Variants in PUM2 observed in about 807,000 individuals in gnomAD.
PUM2 encodes the protein pumilio RNA binding family member 2.
Under a neutral mutation model 124.5 loss-of-function variants are expected in PUM2, and 57 were observed. The observed-to-expected ratio is 0.46, with a 90% CI of 0.37 to 0.57. The LOEUF is 0.57. PUM2 is among the 20% of genes least tolerant of loss of function. The pLI is 0.00. For missense variants in PUM2, 1,065 were observed against 1,290.6 expected (o/e 0.83, Z 2.68); for synonymous variants, 460 against 446.1 (o/e 1.03, Z -0.39).
At chr2:20,300,675 T>G (rs1336762926) in intron 7 of PUM2, among the ~76,000 whole-genome samples, 1 of 148,568 alleles carries the variant, frequency 6.7e-6, no homozygotes, top group African/African-American at 2.5e-5. Context: ...GAAAGGAAAA[T>G]AAATCTCCCG....
At chr2:20,254,094 T>TC in intron 19 of PUM2, 80 bp from the exon 20 acceptor site, 1 of 1,217,466 alleles carries the variant, frequency 8.2e-7, no homozygotes, top group Non-Finnish European at 1.2e-6. Flanking sequence ...GAAAGAATCT[T>TC]CTCCAATGAA....
intron 13 of PUM2, among the ~76,000 whole-genome samples, chr2:20,269,877 T>A (rs1164922728): frequency 1.3e-5 from 2 of 152,198 alleles, no homozygotes; most frequent in African/African-American, 4.8e-5. Context: ...TATTTAACAA[T>A]CTTCCCTCAT....
chr2:20,330,638 C>A (rs113767788), intron 1 of PUM2, among the ~76,000 whole-genome samples: 1 of 152,264 alleles, frequency 6.6e-6, no homozygotes, highest in Middle Eastern at 3.4e-3. Context: ...CTATTCTCAA[C>A]GGTATTCTTT....
At position 20,308,577 on chromosome 2, in the gene PUM2, G is replaced by A; in HGVS notation, c.526C>T (p.Pro176Ser). Residue 176 changes from proline to serine, a missense_variant, in exon 6 of 21, where the codon CCT becomes TCT. Pro to Ser is a moderately conservative substitution (Grantham distance 74). Transcript: ENST00000361078. ...GTTGGAGAGGCTTGACGACTTCCAG[G>A]AGTACGACTACATAAAGAAAATAGA... ...DADCKDFNRT[P>S]GSRQASPTEV... The A allele has an allele frequency of 6.2e-7, 1 of 1,606,716 alleles. No homozygotes were observed. The highest frequency in any genetic ancestry group is 8.5e-7 in the Non-Finnish European group (1 of 1,176,620).
At chr2:20,273,062 T>C (rs555319416) in intron 13 of PUM2, among the ~76,000 whole-genome samples, 1 of 152,332 alleles carries the variant, frequency 6.6e-6, no homozygotes, top group East Asian at 1.9e-4. Context: ...TTTTGATCCT[T>C]AGGGTACCTT....
chr2:20,302,058 C>T (rs1677114465), intron 7 of PUM2, among the ~76,000 whole-genome samples: 1 of 152,182 alleles, frequency 6.6e-6, no homozygotes, highest in African/African-American at 2.4e-5. Context: ...AAAAAATTTA[C>T]TTCAACAGAC....
At chr2:20,300,110 C>T (rs1676600384) in intron 7 of PUM2, among the ~76,000 whole-genome samples, 1 of 152,068 alleles carries the variant, frequency 6.6e-6, no homozygotes, top group Non-Finnish European at 1.5e-5. Flanking sequence ...GCATGTCCAA[C>T]CCCTACTTCC....
chr2:20,324,231 T>C (rs995583816), intron 2 of PUM2, among the ~76,000 whole-genome samples: 1 of 152,194 alleles, frequency 6.6e-6, no homozygotes, highest in African/African-American at 2.4e-5. Context: ...GTCATAACAC[T>C]AGGGAGAGAT....
chr2:20,336,748 C>CTGTGTGTG lies in PUM2; in HGVS notation c.-18-9378_-18-9371dup, dbSNP rs70939037. Among the ~76,000 whole-genome samples, 399 of 97,478 alleles carry CTGTGTGTG rather than the reference C, an allele frequency of 4.1e-3. 4 individuals are homozygous for CTGTGTGTG. Among genetic ancestry groups the CTGTGTGTG allele is most frequent in the African/African-American group, 0.011 (255 of 23,140 alleles). The allele number at this position is 97,478 out of a possible 152,430, so 63.9% of individuals were successfully genotyped here. On this transcript the variant is annotated intron_variant, in intron 1 of 20. Coordinates refer to ENST00000361078, the MANE Select transcript of PUM2 (RefSeq NM_015317.5). ...GTCTCACCATGTTGCCCAGGCTGAT[C>CTGTGTGTG]TGTGTGTGTGTGTGTGTGTGTGTGT... is the stretch of plus-strand genomic sequence containing the variant.
intron 7 of PUM2, among the ~76,000 whole-genome samples, chr2:20,302,444 T>C (rs1558593640): frequency 6.6e-6 from 1 of 152,224 alleles, no homozygotes; most frequent in African/African-American, 2.4e-5. Flanking sequence ...TCAAATCTTT[T>C]ATGCTTTTGT....
At chr2:20,296,546 G>C (rs1042329113) in intron 8 of PUM2, among the ~76,000 whole-genome samples, 1 of 151,722 alleles carries the variant, frequency 6.6e-6, no homozygotes, top group African/African-American at 2.4e-5. Flanking sequence ...GTCAGAAGTG[G>C]GTTTCAAACT....
rs1050470897 is a variant in PUM2 at position 20,258,297 on chromosome 2, C to T, written c.2430G>A (p.Met810Ile). 1.9e-6 allele frequency: 3 copies of T among 1,612,110 alleles called. No individual in the cohort carries two copies. The highest frequency in any genetic ancestry group is 2.5e-6 in the Non-Finnish European group (3 of 1,178,664). The stretch of plus-strand genomic sequence containing the variant: ...CTTTCTGAATAACGCGGCAGCCATA[C>T]ATCTGCAAGGCTAAGGGTAGAACAT... ...RGHVLPLALQMYGCRVIQKAL... is the reference protein window; with the variant it reads ...RGHVLPLALQIYGCRVIQKAL... Residue 810 changes from methionine to isoleucine, a missense_variant, in exon 16 of 21, where the codon ATG becomes ATA. By Grantham distance (10) the Met-to-Ile change is conservative (BLOSUM62 1). Transcript: ENST00000361078.
chr2:20,312,104 A>G, intron 4 of PUM2, 132 bp downstream of exon 4: 1 of 772,726 alleles, frequency 1.3e-6, no homozygotes, highest in Non-Finnish European at 2.0e-6. Context: ...GCAGAAGAAT[A>G]GCAATAATAG....
At chr2:20,286,701 TTC>T (rs531588420) in intron 10 of PUM2, among the ~76,000 whole-genome samples, 5 of 152,200 alleles carry the variant, frequency 3.3e-5, no homozygotes, top group African/African-American at 9.6e-5. Flanking sequence ...TTTGGTTTTA[TTC>T]TCTCTCTTTT....
chr2:20,269,819 T>A (rs538533881), intron 13 of PUM2, among the ~76,000 whole-genome samples: 1 of 152,340 alleles, frequency 6.6e-6, no homozygotes, highest in Non-Finnish European at 1.5e-5. Context: ...TTATAGTCTT[T>A]ACTGGTTAAA....
At chr2:20,268,372 G>A (rs1026305450) in intron 13 of PUM2, among the ~76,000 whole-genome samples, 1 of 152,182 alleles carries the variant, frequency 6.6e-6, no homozygotes, top group Non-Finnish European at 1.5e-5. Flanking sequence ...AGCACTTTGG[G>A]AGGCTGAGGT....
chr2:20,336,748 CTGTGTGTGTGTGTGTGTGTGTGTGTG>C (rs70939037), intron 1 of PUM2, among the ~76,000 whole-genome samples: 2,128 of 97,500 alleles, frequency 0.022, 31 homozygotes, highest in Non-Finnish European at 0.03. Context: ...CCAGGCTGAT[CTGTGTGTGTGTGTGTGTGTGTGTGTG>C]TGTGTGTGTG....
intron 2 of PUM2, among the ~76,000 whole-genome samples, chr2:20,322,306 T>C (rs1486888735): frequency 2.0e-5 from 3 of 152,026 alleles, no homozygotes; most frequent in African/African-American, 7.2e-5. Context: ...AACTAAGTTG[T>C]AACAGGGAGC....
At chr2:20,265,256 A>C (rs993664333) in intron 13 of PUM2, among the ~76,000 whole-genome samples, 8 of 152,212 alleles carry the variant, frequency 5.3e-5, no homozygotes, top group African/African-American at 1.9e-4. Flanking sequence ...TCACAAAAAA[A>C]AAAAAAAAGG....
Sources: gnomAD v4.1 joint callset for allele counts (sites outside exome capture counted in the v4.1 genomes callset) on GRCh38, gnomAD v4.1.1 for gene constraint, MANE v1.5 for transcripts, NCBI Gene and HGNC (gene_info 2026-07-23, HGNC 2026-07-21) for gene names.